Variants in RALGPS1 observed in about 807,000 individuals in gnomAD.
The protein encoded by RALGPS1 is ras-specific guanine nucleotide-releasing factor RalGPS1.
Under a neutral mutation model 78.8 loss-of-function variants are expected in RALGPS1, and 19 were observed. The observed-to-expected ratio is 0.24, with a 90% CI of 0.17 to 0.35. RALGPS1 has a LOEUF of 0.35. Among genes scored for constraint, RALGPS1 ranks in the 10% least tolerant of loss-of-function variants. RALGPS1 has a pLI of 1.00. For synonymous variants in RALGPS1, 228 were observed against 256.3 expected (o/e 0.89, Z 1.06); for missense variants, 454 against 688.3 (o/e 0.66, Z 3.81).
intron 3 of RALGPS1, among the ~76,000 whole-genome samples, chr9:126,966,520 C>CAAAA (rs756980868): frequency 1.3e-4 from 7 of 53,392 alleles, no homozygotes; most frequent in Non-Finnish European, 2.0e-4. Flanking sequence ...AACCCTGTCT[C>CAAAA]AAAAAAAAAA....
chr9:127,166,210 AG>A lies in RALGPS1; in HGVS notation c.748+5del. The A allele has an allele frequency of 6.2e-7, 1 of 1,612,592 alleles. No individual in the cohort carries two copies. Among genetic ancestry groups the A allele is most frequent in the African/African-American group, 1.3e-5 (1 of 74,992 alleles). ...TTACAAGTTTCCTGCAGCTATGGTT[AG>A]TACCCTTGTTGTTAGAATTGTGAAA... On this transcript the variant is annotated splice_donor_5th_base_variant and intron_variant, in intron 9 of 18. Coordinates refer to ENST00000259351, the MANE Select transcript of RALGPS1 (RefSeq NM_014636.3).
At chr9:127,151,668 C>T (rs369032068) in intron 8 of RALGPS1, among the ~76,000 whole-genome samples, 3 of 151,608 alleles carry the variant, frequency 2.0e-5, no homozygotes, top group Admixed American at 6.6e-5. Context: ...TTTTTGTTTT[C>T]GTTTTTGTTT....
intron 8 of RALGPS1, among the ~76,000 whole-genome samples, chr9:127,160,396 G>A (rs1452534090): frequency 6.6e-6 from 1 of 152,214 alleles, no homozygotes; most frequent in East Asian, 1.9e-4. Flanking sequence ...AGGGCTTCTG[G>A]AGCAGAACGA....
intron 8 of RALGPS1, among the ~76,000 whole-genome samples, chr9:127,156,923 C>A (rs2058734950): frequency 6.6e-6 from 1 of 152,180 alleles, no homozygotes; most frequent in African/African-American, 2.4e-5. Context: ...AGAGATCCAG[C>A]TTTATATTTT....
intron 8 of RALGPS1, among the ~76,000 whole-genome samples, chr9:127,145,754 A>G (rs967154732): frequency 1.3e-5 from 2 of 152,240 alleles, no homozygotes; most frequent in Non-Finnish European, 2.9e-5. Flanking sequence ...AATAATTCCT[A>G]TTCAATGAGA....
intron 5 of RALGPS1, among the ~76,000 whole-genome samples, chr9:127,045,678 T>C (rs1488262385): frequency 6.6e-6 from 1 of 151,718 alleles, no homozygotes; most frequent in African/African-American, 2.4e-5. Context: ...AATACAGATA[T>C]AGATGGTTAC....
At chr9:127,152,883 T>C (rs1785676086) in intron 8 of RALGPS1, among the ~76,000 whole-genome samples, 1 of 152,166 alleles carries the variant, frequency 6.6e-6, no homozygotes, top group Non-Finnish European at 1.5e-5. Flanking sequence ...CTGCAACCCT[T>C]TCACATGCAT....
intron 8 of RALGPS1, among the ~76,000 whole-genome samples, chr9:127,132,300 G>A (rs2057059864): frequency 6.6e-6 from 1 of 152,102 alleles, no homozygotes; most frequent in South Asian, 2.1e-4. Flanking sequence ...ATTTCCAATT[G>A]CTTTCCTGAT....
intron 7 of RALGPS1, among the ~76,000 whole-genome samples, chr9:127,056,551 CAG>C (rs1266284152): frequency 6.6e-6 from 1 of 152,292 alleles, no homozygotes; most frequent in South Asian, 2.1e-4. Context: ...ATTTAGGAAA[CAG>C]AGGGGGCCAA....
At chr9:127,176,848 C>T (rs1319486987) in intron 11 of RALGPS1, among the ~76,000 whole-genome samples, 1 of 152,172 alleles carries the variant, frequency 6.6e-6, no homozygotes, top group Non-Finnish European at 1.5e-5. Context: ...TCTGCCTTTC[C>T]CTAGTGGCTC....
At chr9:126,930,519 G>A (rs528267632) in intron 1 of RALGPS1, among the ~76,000 whole-genome samples, 8 of 152,220 alleles carry the variant, frequency 5.3e-5, no homozygotes, top group East Asian at 1.9e-4. Flanking sequence ...CTTGGCTCAC[G>A]GTAACCTTCA....
Position 127,210,812 on chromosome 9 carries a change from AC to A in RALGPS1, c.1248-1318del, listed in dbSNP as rs767773150. 6 of 1,517,338 alleles carry A rather than the reference AC, an allele frequency of 4.0e-6. No homozygotes were observed. In the South Asian group the frequency reaches 7.2e-5, roughly 18 times the overall value. The allele number at this position is 1,517,338 out of a possible 1,614,324, so 94.0% of individuals were successfully genotyped here. A position where few individuals can be genotyped will look rare whatever the true frequency, so the allele number is the denominator to read the frequency against. ...GTGTTCATGTGTTCATTTGTTTGAC[AC>A]ATAGCTTGTTATGTGGCCTTTTGGA... On this transcript the variant is annotated intron_variant, in intron 14 of 18. Transcript: ENST00000259351.
At chr9:126,940,344 G>A (rs1588537735) in intron 1 of RALGPS1, among the ~76,000 whole-genome samples, 1 of 152,146 alleles carries the variant, frequency 6.6e-6, no homozygotes, top group East Asian at 1.9e-4. Flanking sequence ...ATTCTGCTAC[G>A]ATCCTGCCAC....
chr9:126,964,628 T>TCA (rs770861564), intron 2 of RALGPS1, among the ~76,000 whole-genome samples: 30,416 of 151,882 alleles, frequency 0.2, 3,768 homozygotes, highest in East Asian at 0.43. Context: ...ACCTCAGAGG[T>TCA]CTTAACCACT....
chr9:127,184,046 C>T (rs1231452655), intron 11 of RALGPS1: 2 of 1,547,484 alleles, frequency 1.3e-6, no homozygotes. Context: ...TCAAGGTCAA[C>T]CAGGTGCAGT....
In RALGPS1 at chr9:127,218,647, C is replaced by G; in HGVS notation, c.1645-93C>G. On this transcript the variant is annotated intron_variant, in intron 18 of 18. Transcript: ENST00000259351. The surrounding 1 kb of genome is among the most constrained non-coding windows in gnomAD (Gnocchi z 4.4). ...CCCAACCTGCTCATTCCCAGACTCA[C>G]GGGGAAAGGCCTGTCCCTTCCCCTA... The G allele has an allele frequency of 3.7e-6, 5 of 1,344,530 alleles. No individual in the cohort carries two copies. In the South Asian group the frequency reaches 5.8e-5, roughly 16 times the overall value. The allele number at this position is 1,344,530 out of a possible 1,614,324, so 83.3% of individuals were successfully genotyped here.
chr9:126,932,597 A>G (rs62578912), intron 1 of RALGPS1, among the ~76,000 whole-genome samples: 1,576 of 152,340 alleles, frequency 0.01, 12 homozygotes, highest in Middle Eastern at 0.027. Context: ...CATTAAAACA[A>G]TCCGATGAAT....
At chr9:127,180,967 G>A (rs2060180591) in intron 11 of RALGPS1, among the ~76,000 whole-genome samples, 1 of 152,256 alleles carries the variant, frequency 6.6e-6, no homozygotes, top group Non-Finnish European at 1.5e-5. Flanking sequence ...GGCAGCCTCA[G>A]TATTGCAGCC....
chr9:127,214,257 T>G (rs2062449300), intron 17 of RALGPS1: 1 of 152,744 alleles, frequency 6.5e-6, no homozygotes. Context: ...TAAGCATCCA[T>G]CAACAAAAAT....
Sources: allele counts gnomAD v4.1 joint callset (sites outside exome capture counted in the v4.1 genomes callset), GRCh38; gene constraint gnomAD v4.1.1; non-coding constraint Gnocchi (gnomAD v3.1); transcripts MANE v1.5; gene names NCBI Gene and HGNC (gene_info 2026-07-23, HGNC 2026-07-21).